The following GRIN2A variants were observed in gnomAD, a reference collection of about 807,000 sequenced individuals.
GRIN2A encodes the protein glutamate ionotropic receptor NMDA type subunit 2A, also known as glutamate receptor ionotropic, NMDA 2A.
In GRIN2A, 22 loss-of-function variants were observed where a neutral mutation model predicts 113.4. That is an observed-to-expected ratio of 0.19 (90% CI 0.14 to 0.28). The LOEUF is 0.28. Ranked by LOEUF, GRIN2A falls within the 10% of genes least tolerant of loss-of-function variation. The probability of loss-of-function intolerance (pLI) is 1.00; values close to 1 mark genes in which losing one functional copy is unlikely to be tolerated. For synonymous variants in GRIN2A, 827 were observed against 738.4 expected (o/e 1.12, Z -1.94); for missense variants, 1,502 against 1,887.0 (o/e 0.80, Z 3.78).
intron 3 of GRIN2A, among the ~76,000 whole-genome samples, chr16:9,911,809 G>C (rs1036259657): frequency 3.3e-5 from 5 of 152,192 alleles, no homozygotes; most frequent in Non-Finnish European, 7.3e-5. Context: ...TAAAGGTTGA[G>C]TGAACACTTT....
chr16:10,153,390 A>G (rs1418251577), intron 2 of GRIN2A, among the ~76,000 whole-genome samples: 1 of 152,154 alleles, frequency 6.6e-6, no homozygotes, highest in Non-Finnish European at 1.5e-5. Context: ...GGGGGACTCT[A>G]CGAAGGGGAT....
At chr16:10,157,357 A>G (rs1596562163) in intron 2 of GRIN2A, among the ~76,000 whole-genome samples, 1 of 152,338 alleles carries the variant, frequency 6.6e-6, no homozygotes, top group East Asian at 1.9e-4. Flanking sequence ...TCAGTGAGGA[A>G]GTCTCATCTT....
intron 2 of GRIN2A, among the ~76,000 whole-genome samples, chr16:10,014,093 G>A (rs544750514): frequency 5.1e-4 from 78 of 152,348 alleles, no homozygotes; most frequent in African/African-American, 1.7e-3. Flanking sequence ...AGAGCAGAGT[G>A]CAAGCCTGTA....
intron 11 of GRIN2A, among the ~76,000 whole-genome samples, chr16:9,794,297 T>A (rs13332427): frequency 0.016 from 2,453 of 152,268 alleles, 65 homozygotes; most frequent in African/African-American, 0.056. Context: ...CACAGCTCAT[T>A]AGGAAAATTT....
At chr16:9,989,055 A>T (rs1032341777) in intron 2 of GRIN2A, among the ~76,000 whole-genome samples, 2 of 152,202 alleles carry the variant, frequency 1.3e-5, no homozygotes, top group African/African-American at 4.8e-5. Context: ...CTTTGCCTCA[A>T]AATAAAAAAT....
intron 2 of GRIN2A, among the ~76,000 whole-genome samples, chr16:10,083,084 T>A (rs1222030944): frequency 1.3e-5 from 2 of 152,042 alleles, no homozygotes; most frequent in African/African-American, 4.8e-5. Flanking sequence ...TGCAAAAACA[T>A]AAAAAAATAA....
intron 2 of GRIN2A, among the ~76,000 whole-genome samples, chr16:10,123,992 A>G (rs1400041344): frequency 1.3e-5 from 2 of 152,194 alleles, no homozygotes; most frequent in Non-Finnish European, 2.9e-5. Flanking sequence ...TGGTGTAATC[A>G]TCCCTCACAG....
chr16:10,115,232 T>C (rs1209374544), intron 2 of GRIN2A, among the ~76,000 whole-genome samples: 1 of 152,074 alleles, frequency 6.6e-6, no homozygotes, highest in Non-Finnish European at 1.5e-5. Context: ...GATCTAAGTT[T>C]TTTTTTTTCA....
chr16:10,012,362 G>A (rs2046522578), intron 2 of GRIN2A, among the ~76,000 whole-genome samples: 1 of 152,138 alleles, frequency 6.6e-6, no homozygotes. Context: ...TTGTATTAAT[G>A]CATTTAACCC....
At chr16:10,154,247 C>A (rs1033421079) in intron 2 of GRIN2A, among the ~76,000 whole-genome samples, 1 of 152,192 alleles carries the variant, frequency 6.6e-6, no homozygotes, top group Non-Finnish European at 1.5e-5. Context: ...TCGTAGCCAA[C>A]CCTCGGTGGG....
At chr16:10,028,931 T>C (rs188467172) in intron 2 of GRIN2A, among the ~76,000 whole-genome samples, 2 of 152,332 alleles carry the variant, frequency 1.3e-5, no homozygotes, top group Admixed American at 1.3e-4. Context: ...TGCTAAGGCA[T>C]TAAAATTTTG....
intron 2 of GRIN2A, among the ~76,000 whole-genome samples, chr16:9,969,936 C>T (rs1024880019): frequency 6.6e-5 from 10 of 152,324 alleles, no homozygotes; most frequent in Middle Eastern, 3.4e-3. Context: ...TCCCGCACGC[C>T]ATCTTAGACC....
chr16:10,091,461 C>G (rs1328810389), intron 2 of GRIN2A, among the ~76,000 whole-genome samples: 1 of 45,260 alleles, frequency 2.2e-5, no homozygotes, highest in Non-Finnish European at 4.5e-5. Flanking sequence ...TGTGTATACA[C>G]ACACACACAC....
At chr16:9,822,149 A>G in intron 10 of GRIN2A, 115 bp downstream of exon 10, 2 of 1,110,514 alleles carry the variant, frequency 1.8e-6, no homozygotes, top group Non-Finnish European at 2.8e-6. Flanking sequence ...TCTGGACCAC[A>G]GTCACTCTCC....
At position 10,180,320 on chromosome 16, in the gene GRIN2A, G is replaced by C; in HGVS notation, c.92C>G (p.Pro31Arg). The C allele has an allele frequency of 6.2e-7, 1 of 1,610,732 alleles. No homozygotes were observed. Among genetic ancestry groups the C allele is most frequent in the South Asian group, 1.1e-5 (1 of 91,078 alleles). The change falls in exon 2 of 13, where the codon CCC becomes CGC. Residue 31 changes from proline to arginine, a missense_variant. Physicochemically the swap from Pro to Arg is moderately radical, Grantham distance 103. This residue lies in a region of GRIN2A where 149 missense variants were observed against 179.1 expected (regional missense o/e 0.83). Coordinates refer to ENST00000330684, the MANE Select transcript of GRIN2A (RefSeq NM_001134407.3). The surrounding 1 kb of genome is among the most constrained non-coding windows in gnomAD (Gnocchi z 7.0). ...CATCACCGCAATATTTAGCGCGGGG[G>C]GACCCTTCTCCGCCGCCGCGCTCGG... ...PAPSAAAEKGPPALNIAVMLG... is the reference protein window; with the variant it reads ...PAPSAAAEKGRPALNIAVMLG...
intron 2 of GRIN2A, among the ~76,000 whole-genome samples, chr16:10,140,192 C>T (rs1460745502): frequency 6.6e-6 from 1 of 152,058 alleles, no homozygotes; most frequent in East Asian, 1.9e-4. Flanking sequence ...TTCTAAGTGG[C>T]AATTGATTGT....
chr16:9,869,861 A>T (rs929359870), intron 4 of GRIN2A, among the ~76,000 whole-genome samples: 4 of 152,196 alleles, frequency 2.6e-5, no homozygotes, highest in Non-Finnish European at 4.4e-5. Flanking sequence ...TGGCCCACAG[A>T]AGGTATTTAG....
At chr16:10,117,843 AT>A (rs2048758433) in intron 2 of GRIN2A, among the ~76,000 whole-genome samples, 1 of 152,250 alleles carries the variant, frequency 6.6e-6, no homozygotes, top group African/African-American at 2.4e-5. Flanking sequence ...TGGACATAGA[AT>A]ATCTTTCCTC....
rs2042671510 is a variant in GRIN2A, at chr16:9,841,167, G to C, written c.1329-63C>G. On this transcript the variant is annotated intron_variant, in intron 5 of 12. Transcript: ENST00000330684. ...CTGGAAGGTTTGTTCACAATCATTA[G>C]CTGTACTCTTCTCCTATTTTTCAGA... is the stretch of plus-strand genomic sequence containing the variant. 3.0e-6 allele frequency: 4 copies of C among 1,341,462 alleles called. No homozygotes were observed. In the South Asian group the frequency reaches 4.7e-5, roughly 16 times the overall value. 83.1% of individuals were successfully genotyped at this position (1,341,462 alleles called of 1,614,324 possible). A position where few individuals can be genotyped will look rare whatever the true frequency, so the allele number is the denominator to read the frequency against.
Sources: gnomAD v4.1 joint callset for allele counts (sites outside exome capture counted in the v4.1 genomes callset) on GRCh38, gnomAD v4.1.1 for gene constraint, gnomAD v4.1.1 regional missense constraint, Gnocchi (gnomAD v3.1) non-coding constraint, MANE v1.5 for transcripts, NCBI Gene and HGNC (gene_info 2026-07-23, HGNC 2026-07-21) for gene names.